The following CADPS variants were observed in gnomAD, a reference collection of about 807,000 sequenced individuals.
CADPS encodes the protein calcium dependent secretion activator.
A neutral mutation model predicts 167.3 loss-of-function variants in CADPS; 57 were observed. The ratio of observed to expected loss-of-function variants is 0.34; its 90% CI spans 0.28 to 0.42. The LOEUF (loss-of-function observed/expected upper bound fraction) is 0.42. CADPS is among the 20% of genes least tolerant of loss of function. The probability of loss-of-function intolerance (pLI) is 1.00; values close to 1 mark genes in which losing one functional copy is unlikely to be tolerated. For synonymous variants in CADPS, 676 were observed against 635.3 expected, an observed-to-expected ratio of 1.06 and a Z score of -0.96; for missense variants, 1,414 against 1,738.1, an observed-to-expected ratio of 0.81 and a Z score of 3.32.
intron 1 of CADPS, among the ~76,000 whole-genome samples, chr3:62,835,669 A>T (rs892609090): frequency 1.3e-5 from 2 of 152,150 alleles, no homozygotes; most frequent in African/African-American, 4.8e-5. Flanking sequence ...AAATCACAGA[A>T]GGGGCAAAAA....
At chr3:62,475,649 T>C (rs995181482) in intron 23 of CADPS, among the ~76,000 whole-genome samples, 6 of 137,362 alleles carry the variant, frequency 4.4e-5, no homozygotes, top group African/African-American at 1.6e-4. Flanking sequence ...CACCCCTATA[T>C]ATTATATGAT....
At chr3:62,796,811 A>T (rs1478901613) in intron 1 of CADPS, among the ~76,000 whole-genome samples, 1 of 152,182 alleles carries the variant, frequency 6.6e-6, no homozygotes, top group Non-Finnish European at 1.5e-5. Context: ...GAGGAAAAAA[A>T]TTGAATAATT....
chr3:62,647,919 T>C (rs190844377), intron 5 of CADPS, among the ~76,000 whole-genome samples: 1 of 152,334 alleles, frequency 6.6e-6, no homozygotes, highest in African/African-American at 2.4e-5. Context: ...CAAACACCTG[T>C]TGCTTTCTGT....
intron 10 of CADPS, chr3:62,550,951 CTTG>C (rs1360484603): frequency 2.2e-6 from 1 of 456,548 alleles, no homozygotes; most frequent in African/African-American, 2.0e-5. Flanking sequence ...GCTCCTTAGT[CTTG>C]TCTGGTGGCT....
Position 62,474,334 on chromosome 3 carries a change from G to A in CADPS, c.3330-14C>T. ...GCAATCCTGGTTCTATTAAAACAAA[G>A]TAGGAAAAGACCAATTCAGCGTTCA... On this transcript the variant is annotated splice_polypyrimidine_tract_variant and intron_variant, in intron 23 of 29. Transcript: ENST00000383710. 1 of 1,612,506 alleles carries A rather than the reference G, an allele frequency of 6.2e-7. No homozygotes were observed. The highest frequency in any genetic ancestry group is 2.2e-5 in the East Asian group (1 of 44,814).
At chr3:62,858,407 A>T (rs1223176916) in intron 1 of CADPS, among the ~76,000 whole-genome samples, 1 of 152,088 alleles carries the variant, frequency 6.6e-6, no homozygotes, top group East Asian at 1.9e-4. Context: ...CAAGTCCTCC[A>T]CTTTGGTCTG....
chr3:62,870,095 A>G (rs1323429214), intron 1 of CADPS, among the ~76,000 whole-genome samples: 1 of 152,196 alleles, frequency 6.6e-6, no homozygotes, highest in East Asian at 1.9e-4. Context: ...AGTCTCTGCT[A>G]TCAGTGCATA....
intron 9 of CADPS, among the ~76,000 whole-genome samples, chr3:62,564,660 G>A (rs1456117926): frequency 6.7e-6 from 1 of 148,982 alleles, no homozygotes; most frequent in Non-Finnish European, 1.5e-5. Context: ...AGGCTGGAGT[G>A]CAGTGGCATG....
intron 3 of CADPS, among the ~76,000 whole-genome samples, chr3:62,710,626 TGA>T (rs143746721): frequency 0.086 from 12,998 of 151,672 alleles, 670 homozygotes; most frequent in South Asian, 0.16. Context: ...TCCCTCCCAC[TGA>T]GAGAGTTTTA....
intron 26 of CADPS, among the ~76,000 whole-genome samples, chr3:62,462,053 C>G (rs1030298660): frequency 1.3e-5 from 2 of 152,134 alleles, no homozygotes; most frequent in African/African-American, 4.8e-5. Context: ...ACCTGGGTAC[C>G]TGCTTGCCCT....
At chr3:62,791,512 C>G (rs1257150390) in intron 1 of CADPS, among the ~76,000 whole-genome samples, 4 of 152,176 alleles carry the variant, frequency 2.6e-5, no homozygotes, top group Admixed American at 1.3e-4. Flanking sequence ...GAATCAGAAT[C>G]TGCATTTTAA....
chr3:62,686,588 A>G (rs2078080826), intron 3 of CADPS, among the ~76,000 whole-genome samples: 1 of 152,056 alleles, frequency 6.6e-6, no homozygotes, highest in African/African-American at 2.4e-5. Context: ...AGATCTGCAG[A>G]CAAGCAAAGG....
At chr3:62,616,006 C>T (rs760342174) in intron 6 of CADPS, among the ~76,000 whole-genome samples, 17 of 152,144 alleles carry the variant, frequency 1.1e-4, no homozygotes, top group Non-Finnish European at 1.9e-4. Context: ...CCATCCCTCT[C>T]TAAAGATGTC....
At chr3:62,791,683 G>A (rs1294307032) in intron 1 of CADPS, among the ~76,000 whole-genome samples, 3 of 152,136 alleles carry the variant, frequency 2.0e-5, no homozygotes, top group African/African-American at 4.8e-5. Flanking sequence ...ACCAGGCACC[G>A]GATAAGTCAC....
chr3:62,859,155 A>C (rs986145763), intron 1 of CADPS, among the ~76,000 whole-genome samples: 9 of 152,214 alleles, frequency 5.9e-5, no homozygotes, highest in Non-Finnish European at 1.2e-4. Context: ...AAATTTGGGC[A>C]TATACAATAT....
intron 9 of CADPS, among the ~76,000 whole-genome samples, chr3:62,558,263 C>G (rs1304721471): frequency 6.6e-6 from 1 of 152,204 alleles, no homozygotes; most frequent in African/African-American, 2.4e-5. Context: ...CTAATGGCAG[C>G]CCTCACTCTA....
intron 3 of CADPS, among the ~76,000 whole-genome samples, chr3:62,673,684 T>C (rs919794439): frequency 4.6e-5 from 7 of 152,242 alleles, no homozygotes; most frequent in African/African-American, 1.7e-4. Context: ...ATTATTTTCA[T>C]TGCCATTCGT....
chr3:62,772,062 T>TG (rs2088975940), intron 1 of CADPS, among the ~76,000 whole-genome samples: 1 of 152,134 alleles, frequency 6.6e-6, no homozygotes, highest in Admixed American at 6.6e-5. Context: ...GAAAACTAGG[T>TG]GGGATAATAT....
intron 28 of CADPS, among the ~76,000 whole-genome samples, chr3:62,426,915 A>C: frequency 6.6e-6 from 1 of 151,574 alleles, no homozygotes; most frequent in Admixed American, 6.6e-5. Context: ...AAAATACAAA[A>C]AAAAAAAAAA....
Sources: gnomAD v4.1 joint callset for allele counts (sites outside exome capture counted in the v4.1 genomes callset) on GRCh38, gnomAD v4.1.1 for gene constraint, MANE v1.5 for transcripts, NCBI Gene and HGNC (gene_info 2026-07-23, HGNC 2026-07-21) for gene names.